TMCO5A: variants seen among roughly 807,000 people sequenced by gnomAD.
The protein encoded by TMCO5A is transmembrane and coiled-coil domains 5A, also known as transmembrane and coiled-coil domain-containing protein 5A.
Under a neutral mutation model 42.3 loss-of-function variants are expected in TMCO5A, and 34 were observed. The ratio of observed to expected loss-of-function variants is 0.80; its 90% confidence interval spans 0.61 to 1.07. TMCO5A has a LOEUF of 1.07. Ranked by LOEUF, TMCO5A falls within the 50% of genes least tolerant of loss-of-function variation. The pLI is 0.00. For synonymous variants in TMCO5A, 131 were observed against 115.6 expected (o/e 1.13, Z -0.86); for missense variants, 357 against 327.9 (o/e 1.09, Z -0.69).
chr15:37,949,394 T>C (rs1049371925), intron 11 of TMCO5A, among the ~76,000 whole-genome samples: 3 of 152,276 alleles, frequency 2.0e-5, no homozygotes, highest in South Asian at 2.1e-4. Flanking sequence ...AAGAATAACC[T>C]GGACAGTTTT....
chr15:38,035,628 T>C, the TMCO5A span, among the ~76,000 whole-genome samples: 1 of 152,214 alleles, frequency 6.6e-6, no homozygotes, highest in Non-Finnish European at 1.5e-5. Context: ...TGCCAGAGTT[T>C]CTGCAAAGGT....
chr15:37,949,622 GA>G (rs34845308), intron 11 of TMCO5A, among the ~76,000 whole-genome samples: 2 of 151,020 alleles, frequency 1.3e-5, no homozygotes, highest in South Asian at 2.1e-4. Flanking sequence ...GAACAGCAGG[GA>G]AAAAAATGGT....
At chr15:37,970,910 C>T (rs1566926580), downstream of TMCO5A, among the ~76,000 whole-genome samples, 1 of 152,224 alleles carries the variant, frequency 6.6e-6, no homozygotes, top group Non-Finnish European at 1.5e-5. Context: ...ATATAGCCCC[C>T]CTCCTGGGTG....
the TMCO5A span, among the ~76,000 whole-genome samples, chr15:38,007,348 A>G: frequency 6.6e-6 from 1 of 152,226 alleles, no homozygotes; most frequent in Non-Finnish European, 1.5e-5. Context: ...ACTCTAACAC[A>G]AAAATGGGCT....
chr15:37,993,803 C>T, the TMCO5A span, among the ~76,000 whole-genome samples: 2 of 152,126 alleles, frequency 1.3e-5, no homozygotes, highest in African/African-American at 4.8e-5. Context: ...TTACCCGGCT[C>T]CCACAATGGG....
the TMCO5A span, among the ~76,000 whole-genome samples, chr15:37,985,367 G>A: frequency 1.3e-5 from 2 of 152,074 alleles, no homozygotes; most frequent in Non-Finnish European, 2.9e-5. Context: ...TGGATTCCAT[G>A]CTCTGCTGTA....
chr15:38,018,666 A>G, the TMCO5A span, among the ~76,000 whole-genome samples: 3 of 152,084 alleles, frequency 2.0e-5, no homozygotes, highest in African/African-American at 7.2e-5. Flanking sequence ...AAATAGAGAA[A>G]ATGAATGAAA....
chr15:37,986,779 C>T, the TMCO5A span, among the ~76,000 whole-genome samples: 3 of 151,882 alleles, frequency 2.0e-5, no homozygotes, highest in African/African-American at 7.2e-5. Flanking sequence ...ACAAGATTCC[C>T]TTTCTTTTTA....
the TMCO5A span, among the ~76,000 whole-genome samples, chr15:38,026,221 A>C: frequency 1.7e-3 from 261 of 152,320 alleles, 5 homozygotes; most frequent in African/African-American, 5.3e-3. Context: ...GGAACTTCCT[A>C]GAGATTTGTT....
chr15:37,953,607 G>A (rs1056419483), downstream of TMCO5A, among the ~76,000 whole-genome samples: 5 of 151,846 alleles, frequency 3.3e-5, no homozygotes, highest in African/African-American at 7.3e-5. Context: ...GGGTACAAAC[G>A]AGCCCAGATT....
intron 11 of TMCO5A, among the ~76,000 whole-genome samples, chr15:37,960,692 A>G (rs918949484): frequency 1.1e-4 from 16 of 151,842 alleles, no homozygotes; most frequent in African/African-American, 3.4e-4. Flanking sequence ...GTCAACATCT[A>G]CTGGTTTTTG....
At chr15:38,036,508 AC>A in the TMCO5A span, among the ~76,000 whole-genome samples, 22 of 149,940 alleles carry the variant, frequency 1.5e-4, no homozygotes, top group African/African-American at 5.3e-4. Flanking sequence ...ACACACACAC[AC>A]ACACACACAC....
chr15:37,960,016 CTT>C (rs960796987), intron 11 of TMCO5A, among the ~76,000 whole-genome samples: 1 of 151,880 alleles, frequency 6.6e-6, no homozygotes, highest in East Asian at 1.9e-4. Flanking sequence ...AAATCAGTAA[CTT>C]TTTTTATAAG....
At chr15:37,959,121 TG>T (rs1890361926) in intron 11 of TMCO5A, among the ~76,000 whole-genome samples, 1 of 146,508 alleles carries the variant, frequency 6.8e-6, no homozygotes, top group South Asian at 2.1e-4. Flanking sequence ...TGTCAGGGGG[TG>T]GGGGGTTAGG....
chr15:37,950,945 T>G (rs1890134096), intron 11 of TMCO5A, 91 bp from the exon 12 acceptor site: 1 of 1,106,928 alleles, frequency 9.0e-7, no homozygotes, highest in South Asian at 1.5e-5. Flanking sequence ...GAATATCAAT[T>G]AGGAGCCAGA....
At chr15:37,948,684 G>C (rs1367748715) in intron 11 of TMCO5A, among the ~76,000 whole-genome samples, 1 of 152,092 alleles carries the variant, frequency 6.6e-6, no homozygotes, top group African/African-American at 2.4e-5. Context: ...GATCCTGAAA[G>C]TCTAGCTAAT....
chr15:37,978,250 G>A, the TMCO5A span, among the ~76,000 whole-genome samples: 40 of 152,322 alleles, frequency 2.6e-4, no homozygotes, highest in Non-Finnish European at 4.6e-4. Flanking sequence ...TAACTGTGGC[G>A]TGCTGGAGCA....
the TMCO5A span, among the ~76,000 whole-genome samples, chr15:38,008,191 A>G: frequency 6.8e-4 from 103 of 151,266 alleles, no homozygotes; most frequent in African/African-American, 1.7e-3. Context: ...CACCGTGCCC[A>G]GCCAAACTCA....
chr15:37,943,000 C>T (rs181174085), intron 9 of TMCO5A: 147 of 199,486 alleles, frequency 7.4e-4, no homozygotes, highest in African/African-American at 3.2e-3. Flanking sequence ...CTTGTAGGTC[C>T]TTGCCCCTAA....
Sources: gnomAD v4.1 joint callset for allele counts (sites outside exome capture counted in the v4.1 genomes callset) on GRCh38, gnomAD v4.1.1 for gene constraint, MANE v1.5 for transcripts, NCBI Gene and HGNC (gene_info 2026-07-23, HGNC 2026-07-21) for gene names.